The following KYNU variants were observed in gnomAD, a reference collection of about 807,000 sequenced individuals.
KYNU encodes the protein kynureninase, also known as L-kynurenine hydrolase.
A neutral mutation model predicts 59.2 loss-of-function variants in KYNU; 54 were observed. That is an observed-to-expected ratio of 0.91 (90% confidence interval 0.73 to 1.14). The LOEUF is 1.14. Among genes scored for constraint, KYNU ranks in the 50% most tolerant of loss-of-function variants. The probability of loss-of-function intolerance (pLI) is 0.00; values close to 1 mark genes in which losing one functional copy is unlikely to be tolerated. For synonymous variants in KYNU, 177 were observed against 192.0 expected (o/e 0.92, Z 0.65); for missense variants, 567 against 554.4 (o/e 1.02, Z -0.23).
chr2:143,042,308 A>G lies in KYNU; in HGVS notation c.*136A>G. On this transcript the variant is annotated 3_prime_UTR_variant, in exon 14 of 14. Transcript: ENST00000264170. ...TAACAATAAATAATATACCTTACAG[A>G]AAATCTGATATAATTTTTCAGAGTC... is the stretch of plus-strand genomic sequence containing the variant. The G allele has an allele frequency of 2.2e-6, 2 of 897,762 alleles. No individual in the cohort carries two copies. Among genetic ancestry groups the G allele is most frequent in the South Asian group, 3.2e-5 (2 of 63,320 alleles). 55.6% of individuals were successfully genotyped at this position (897,762 alleles called of 1,614,324 possible).
At chr2:142,901,702 T>A (rs1682094940) in intron 2 of KYNU, among the ~76,000 whole-genome samples, 1 of 152,210 alleles carries the variant, frequency 6.6e-6, no homozygotes, top group Non-Finnish European at 1.5e-5. Flanking sequence ...TTTCCCTTTT[T>A]TTAATTCTAG....
intron 2 of KYNU, among the ~76,000 whole-genome samples, chr2:142,906,541 G>A (rs1361625684): frequency 6.6e-6 from 1 of 152,130 alleles, no homozygotes; most frequent in Admixed American, 6.5e-5. Context: ...TGGTTTCATA[G>A]CCTAGATGCC....
At chr2:143,028,206 A>G (rs1012604225) in intron 10 of KYNU, among the ~76,000 whole-genome samples, 3 of 121,754 alleles carry the variant, frequency 2.5e-5, no homozygotes, top group South Asian at 2.5e-4. Context: ...GATTTTCCCT[A>G]TATATTTTGT....
intron 2 of KYNU, among the ~76,000 whole-genome samples, chr2:142,905,384 T>C (rs1682256471): frequency 6.6e-6 from 1 of 152,224 alleles, no homozygotes; most frequent in Non-Finnish European, 1.5e-5. Flanking sequence ...AGAGTCTCAC[T>C]ATCAATTAAT....
At chr2:142,901,690 C>A (rs983108491) in intron 2 of KYNU, among the ~76,000 whole-genome samples, 1 of 152,036 alleles carries the variant, frequency 6.6e-6, no homozygotes, top group Non-Finnish European at 1.5e-5. Flanking sequence ...TATATTTACC[C>A]TTTTCCCTTT....
intron 2 of KYNU, among the ~76,000 whole-genome samples, chr2:142,898,722 G>C (rs938860316): frequency 1.3e-5 from 2 of 152,104 alleles, no homozygotes; most frequent in African/African-American, 2.4e-5. Flanking sequence ...AAGATGGGGC[G>C]GGCCGCTCCC....
chr2:143,026,801 T>G (rs1214990808), intron 10 of KYNU, among the ~76,000 whole-genome samples: 1 of 152,208 alleles, frequency 6.6e-6, no homozygotes, highest in African/African-American at 2.4e-5. Context: ...CTCTGACTTT[T>G]CACATGAGGC....
rs137994255 is a variant in KYNU at position 142,909,237 on chromosome 2, A to T, written c.170-9372A>T. 1.4e-4 allele frequency among the ~76,000 whole-genome samples: 21 copies of T among 152,158 alleles called. 1 individual carries two copies. In the East Asian group the frequency reaches 3.9e-3, roughly 28 times the overall value. ...ATATAAGCCTTTACACAAAGACTTTAACATAATTACAATTCAGATTAAAAT... is the reference window on the plus strand; with the variant it reads ...ATATAAGCCTTTACACAAAGACTTTTACATAATTACAATTCAGATTAAAAT... On this transcript the variant is annotated intron_variant, in intron 2 of 13. Coordinates refer to ENST00000264170, the MANE Select transcript of KYNU (RefSeq NM_003937.3).
intron 13 of KYNU, among the ~76,000 whole-genome samples, chr2:143,041,178 A>G (rs188936992): frequency 6.6e-6 from 1 of 152,028 alleles, no homozygotes; most frequent in Non-Finnish European, 1.5e-5. Flanking sequence ...CCTTCAGCCT[A>G]TATGACCTTC....
intron 10 of KYNU, chr2:142,988,756 T>G (rs1438233051): frequency 1.1e-6 from 1 of 900,140 alleles, no homozygotes; most frequent in Non-Finnish European, 1.9e-6. Flanking sequence ...TTTTAAGTGA[T>G]GTCAGTGACT....
intron 2 of KYNU, among the ~76,000 whole-genome samples, chr2:142,908,494 G>T (rs988860905): frequency 1.0e-5 from 1 of 98,618 alleles, no homozygotes; most frequent in Non-Finnish European, 1.9e-5. Flanking sequence ...CTGGTTGTGG[G>T]ATTTTTTTTA....
intron 1 of KYNU, among the ~76,000 whole-genome samples, chr2:142,878,384 A>G (rs1372848422): frequency 1.3e-5 from 2 of 152,300 alleles, no homozygotes; most frequent in Non-Finnish European, 2.9e-5. Flanking sequence ...TATCCTAGAT[A>G]TGAAATATAC....
chr2:142,921,371 A>C (rs1682877059), intron 3 of KYNU, among the ~76,000 whole-genome samples: 2 of 152,156 alleles, frequency 1.3e-5, no homozygotes, highest in African/African-American at 4.8e-5. Flanking sequence ...GCTTTGCTTA[A>C]GTTTAGATAA....
At chr2:143,033,153 C>A in intron 11 of KYNU, 83 bp from the exon 12 acceptor site, 2 of 954,384 alleles carry the variant, frequency 2.1e-6, no homozygotes, top group Non-Finnish European at 3.5e-6. Flanking sequence ...AAGTCTTGCT[C>A]TTTTACTCTC....
chr2:143,007,322 A>G (rs1461900676), intron 10 of KYNU, among the ~76,000 whole-genome samples: 3 of 150,668 alleles, frequency 2.0e-5, no homozygotes, highest in African/African-American at 7.5e-5. Context: ...GGAAGATGAA[A>G]TGAATGAAAT....
chr2:143,008,574 G>A (rs1685988707), intron 10 of KYNU, among the ~76,000 whole-genome samples: 1 of 61,042 alleles, frequency 1.6e-5, no homozygotes, highest in African/African-American at 9.3e-5. Context: ...GACATCTACA[G>A]AACTCTCCAA....
chr2:143,016,759 TTAGA>T (rs892637542), intron 10 of KYNU, among the ~76,000 whole-genome samples: 5 of 152,196 alleles, frequency 3.3e-5, no homozygotes, highest in African/African-American at 4.8e-5. Context: ...ACCTTTTATT[TTAGA>T]TTCAGAGGGT....
chr2:142,997,724 G>T (rs1377381287), intron 10 of KYNU, among the ~76,000 whole-genome samples: 2 of 152,190 alleles, frequency 1.3e-5, no homozygotes, highest in Middle Eastern at 3.4e-3. Flanking sequence ...TTTAACATAA[G>T]CTAAGAAACA....
At chr2:142,912,355 A>G (rs1341515410) in intron 2 of KYNU, among the ~76,000 whole-genome samples, 1 of 149,384 alleles carries the variant, frequency 6.7e-6, no homozygotes, top group Non-Finnish European at 1.5e-5. Flanking sequence ...AGAGTCTCTA[A>G]GGATCTTTTG....
Sources: allele counts gnomAD v4.1 joint callset (sites outside exome capture counted in the v4.1 genomes callset), GRCh38; gene constraint gnomAD v4.1.1; transcripts MANE v1.5; gene names NCBI Gene and HGNC (gene_info 2026-07-23, HGNC 2026-07-21).